Variants in CTNNA2 observed in about 807,000 individuals in gnomAD.
CTNNA2 encodes catenin alpha 2, also known as catenin alpha-2.
CTNNA2 carries 42 observed loss-of-function variants against 101.0 expected under a neutral mutation model. The ratio of observed to expected loss-of-function variants is 0.42; its 90% confidence interval spans 0.32 to 0.54. CTNNA2 has a LOEUF of 0.54. CTNNA2 is among the 20% of genes least tolerant of loss of function. CTNNA2 has a pLI of 0.14. For missense variants in CTNNA2, 871 were observed against 1,223.1 expected (o/e 0.71, Z 4.29); for synonymous variants, 450 against 456.4 (o/e 0.99, Z 0.18).
chr2:80,303,442 G>A lies in CTNNA2; in HGVS notation c.1057-89769G>A. 6.2e-7 allele frequency: 1 copy of A among 1,614,220 alleles called. No homozygotes were observed. The highest frequency in any genetic ancestry group is 8.5e-7 in the Non-Finnish European group (1 of 1,180,052). On this transcript the variant is annotated intron_variant, in intron 7 of 18. Coordinates refer to ENST00000402739, the MANE Select transcript of CTNNA2 (RefSeq NM_001282597.3). The surrounding 1 kb of genome is among the most constrained non-coding windows in gnomAD (Gnocchi z 7.7). ...GCCGGAAGGTGGTGTTGGGCAGTTG[G>A]GTGATCTGGTTGGAACTCAGCGTGA...
intron 18 of CTNNA2, among the ~76,000 whole-genome samples, chr2:80,623,998 C>A (rs377752134): frequency 6.6e-6 from 1 of 150,952 alleles, no homozygotes; most frequent in Non-Finnish European, 1.5e-5. Flanking sequence ...TATAAATAAT[C>A]AGTGATGCTA....
intron 4 of CTNNA2, among the ~76,000 whole-genome samples, chr2:79,858,487 C>T (rs2103952522): frequency 1.3e-5 from 2 of 152,228 alleles, no homozygotes; most frequent in South Asian, 4.1e-4. Flanking sequence ...ACAGGGTGGA[C>T]CTGCCTTTGT....
At chr2:80,178,909 T>G (rs529278402) in intron 7 of CTNNA2, among the ~76,000 whole-genome samples, 4 of 152,324 alleles carry the variant, frequency 2.6e-5, no homozygotes, top group Admixed American at 6.5e-5. Context: ...GTCTCAACAA[T>G]AAGTCCAGTG....
chr2:80,348,735 A>T (rs990513257), intron 7 of CTNNA2, among the ~76,000 whole-genome samples: 1 of 141,908 alleles, frequency 7.0e-6, no homozygotes, highest in African/African-American at 2.9e-5. Flanking sequence ...TAAACGTAGT[A>T]TATGCCCTTA....
At position 79,889,006 on chromosome 2, in the gene CTNNA2, C is replaced by T. The variant is rs140298448; in HGVS notation, c.852+14664C>T. 5.7e-3 allele frequency among the ~76,000 whole-genome samples: 866 copies of T among 152,228 alleles called. 2 individuals carry two copies. The highest frequency in any genetic ancestry group is 0.014 in the Middle Eastern group (4 of 294). Reference sequence around the variant, plus strand: ...TGTTTGATTTTTTAATCTTTAAATACATTTAATACTTTAGTCTTTCTGTGT... The same window carrying T: ...TGTTTGATTTTTTAATCTTTAAATATATTTAATACTTTAGTCTTTCTGTGT... On this transcript the variant is annotated intron_variant, in intron 6 of 18. Coordinates refer to ENST00000402739, the MANE Select transcript of CTNNA2 (RefSeq NM_001282597.3).
At chr2:79,616,918 T>TTTTTTTTTTC (rs796199835) in intron 1 of CTNNA2, among the ~76,000 whole-genome samples, 1 of 151,500 alleles carries the variant, frequency 6.6e-6, no homozygotes, top group African/African-American at 2.4e-5. Context: ...TCTTTTTTTT[T>TTTTTTTTTTC]CGAGACACAG....
chr2:79,722,775 T>G (rs1686573291), intron 2 of CTNNA2, among the ~76,000 whole-genome samples: 1 of 152,172 alleles, frequency 6.6e-6, no homozygotes, highest in Non-Finnish European at 1.5e-5. Flanking sequence ...TCCTAATTGG[T>G]CCACAGGCAA....
chr2:79,376,468 G>GT (rs1448954764), intron 4 of CTNNA2, among the ~76,000 whole-genome samples: 1 of 148,088 alleles, frequency 6.8e-6, no homozygotes, highest in Non-Finnish European at 1.5e-5. Flanking sequence ...TTTTGTTTTT[G>GT]TTTTTTTGAA....
chr2:79,233,429 A>G (rs1674520042), intron 2 of CTNNA2, among the ~76,000 whole-genome samples: 1 of 152,176 alleles, frequency 6.6e-6, no homozygotes. Context: ...CTTGGTATGC[A>G]TTCAACTTTT....
intron 7 of CTNNA2, among the ~76,000 whole-genome samples, chr2:80,171,387 G>T (rs541904584): frequency 6.6e-6 from 1 of 152,218 alleles, no homozygotes; most frequent in Non-Finnish European, 1.5e-5. Flanking sequence ...AATGGAGCTG[G>T]CAGGCCAAGG....
intron 7 of CTNNA2, among the ~76,000 whole-genome samples, chr2:80,258,514 G>T (rs1008789845): frequency 4.6e-5 from 7 of 152,128 alleles, no homozygotes; most frequent in African/African-American, 1.7e-4. Flanking sequence ...AGATGGGAGT[G>T]AGATTATGGT....
intron 2 of CTNNA2, among the ~76,000 whole-genome samples, chr2:79,724,415 C>G (rs1230860569): frequency 2.0e-5 from 3 of 151,926 alleles, no homozygotes; most frequent in African/African-American, 7.3e-5. Flanking sequence ...TCTCTAGGAA[C>G]CTTCATGAAC....
chr2:79,326,437 C>A (rs1676749001), intron 3 of CTNNA2, among the ~76,000 whole-genome samples: 1 of 151,992 alleles, frequency 6.6e-6, no homozygotes, highest in Admixed American at 6.6e-5. Context: ...GATATAAATT[C>A]CTAGAATCCA....
At chr2:79,432,765 A>G (rs758572226) in intron 4 of CTNNA2, among the ~76,000 whole-genome samples, 37 of 152,212 alleles carry the variant, frequency 2.4e-4, no homozygotes, top group Non-Finnish European at 5.0e-4. Flanking sequence ...AGAGAAACTT[A>G]TTCTCTGTCT....
At chr2:80,096,424 C>G (rs976641341) in intron 7 of CTNNA2, among the ~76,000 whole-genome samples, 3 of 152,044 alleles carry the variant, frequency 2.0e-5, no homozygotes, top group Non-Finnish European at 4.4e-5. Flanking sequence ...TTACTTCCAA[C>G]TATGTGGTCA....
At chr2:80,112,041 G>A (rs1351130656) in intron 7 of CTNNA2, among the ~76,000 whole-genome samples, 1 of 152,024 alleles carries the variant, frequency 6.6e-6, no homozygotes, top group East Asian at 1.9e-4. Flanking sequence ...ATTTGAGTGA[G>A]GGTAGATACA....
intron 7 of CTNNA2, among the ~76,000 whole-genome samples, chr2:80,120,460 C>A (rs1444181859): frequency 6.6e-6 from 1 of 152,038 alleles, no homozygotes; most frequent in African/African-American, 2.4e-5. Context: ...CTCCTTTTTC[C>A]TTTTAGGATG....
chr2:79,413,790 C>G (rs1027441177), intron 4 of CTNNA2, among the ~76,000 whole-genome samples: 1 of 151,670 alleles, frequency 6.6e-6, no homozygotes, highest in Non-Finnish European at 1.5e-5. Context: ...CTCATTGTTA[C>G]TTTAATTTGC....
chr2:79,536,574 A>AGTAT lies in CTNNA2; in HGVS notation c.-6+23369_-6+23370insATGT, dbSNP rs34403615. Reference sequence around the variant, plus strand: ...ATATACACCTAAATATCTCTAAAGAAGTGTGTGTGTGTGTGTGTGTGTGTG... The same window carrying AGTAT: ...ATATACACCTAAATATCTCTAAAGAAGTATGTGTGTGTGTGTGTGTGTGTGTGTG... On this transcript the variant is annotated intron_variant, in intron 1 of 18. Transcript: ENST00000402739. Among the ~76,000 whole-genome samples, 239 of 146,744 alleles carry AGTAT rather than the reference A, an allele frequency of 1.6e-3. 3 individuals are homozygous for AGTAT. The highest frequency in any genetic ancestry group is 3.5e-3 in the Middle Eastern group (1 of 282).
Sources: allele counts gnomAD v4.1 joint callset (sites outside exome capture counted in the v4.1 genomes callset), GRCh38; gene constraint gnomAD v4.1.1; non-coding constraint Gnocchi (gnomAD v3.1); transcripts MANE v1.5; gene names NCBI Gene and HGNC (gene_info 2026-07-23, HGNC 2026-07-21).